Variants in COG7 observed in about 807,000 individuals in gnomAD.
COG7 encodes conserved oligomeric Golgi complex subunit 7.
In COG7, 49 loss-of-function variants were observed where a neutral mutation model predicts 91.5. The observed-to-expected ratio is 0.54, with a 90% CI of 0.43 to 0.68. The LOEUF (loss-of-function observed/expected upper bound fraction) is 0.68. Among genes scored for constraint, COG7 ranks in the 30% least tolerant of loss-of-function variants. The pLI, the probability that COG7 is intolerant of heterozygous loss-of-function variation, is 0.00. For missense variants in COG7, 895 were observed against 961.3 expected (o/e 0.93, Z 0.91); for synonymous variants, 365 against 388.7 (o/e 0.94, Z 0.72).
At chr16:23,392,755 C>T (rs903146224) in intron 15 of COG7, among the ~76,000 whole-genome samples, 1 of 151,848 alleles carries the variant, frequency 6.6e-6, no homozygotes, top group Non-Finnish European at 1.5e-5. Flanking sequence ...CATGGTGAAA[C>T]CCCCGTCTCT....
chr16:23,447,793 G>A (rs1174467323), intron 1 of COG7, among the ~76,000 whole-genome samples: 5 of 151,804 alleles, frequency 3.3e-5, no homozygotes, highest in Non-Finnish European at 7.4e-5. Context: ...CCAGCTACTC[G>A]GGAGGCTGAG....
intron 4 of COG7, 139 bp from the exon 5 acceptor site, chr16:23,434,857 G>A (rs1963990340): frequency 1.5e-6 from 1 of 682,378 alleles, no homozygotes; most frequent in Non-Finnish European, 2.7e-6. Flanking sequence ...ACTCATGCAT[G>A]AGGATCATAA....
intron 4 of COG7, among the ~76,000 whole-genome samples, chr16:23,435,563 T>C (rs561811173): frequency 6.6e-6 from 1 of 152,080 alleles, no homozygotes; most frequent in African/African-American, 2.4e-5. Flanking sequence ...GACAGGAAGG[T>C]GGGTTTCAGT....
chr16:23,392,017 G>T lies in COG7; in HGVS notation c.2146+363C>A, dbSNP rs1416235499. 3 of 1,198,068 alleles carry T rather than the reference G, an allele frequency of 2.5e-6. No individual in the cohort carries two copies. In the African/African-American group the frequency reaches 4.7e-5, roughly 19 times the overall value. 74.2% of individuals were successfully genotyped at this position (1,198,068 alleles called of 1,614,324 possible). A position where few individuals can be genotyped will look rare whatever the true frequency, so the allele number is the denominator to read the frequency against. On this transcript the variant is annotated intron_variant, in intron 16 of 16. Transcript: ENST00000307149. ...GATGGGTGCGAGTGCTTGGTCCAGC[G>T]CCAGGCATGCCTGGTATGCAGTAAG...
At position 23,452,954 on chromosome 16, in the gene COG7, T is replaced by A; in HGVS notation, c.41A>T (p.Lys14Met). ...SKFLADDFDV[K>M]EWINAAFRAG... ...CCTGAAGGCCGCATTGATCCACTCC[T>A]TCACGTCGAAGTCGTCTGCCAGGAA... The change falls in exon 1 of 17, where the codon AAG becomes ATG. Residue 14 changes from lysine to methionine, a missense_variant. Coordinates refer to ENST00000307149, the MANE Select transcript of COG7 (RefSeq NM_153603.4). 6.2e-7 allele frequency: 1 copy of A among 1,614,070 alleles called. No individual in the cohort carries two copies. The highest frequency in any genetic ancestry group is 8.5e-7 in the Non-Finnish European group (1 of 1,179,936).
intron 16 of COG7, chr16:23,390,178 T>G (rs891740290): frequency 1.3e-5 from 2 of 150,592 alleles, no homozygotes; most frequent in Non-Finnish European, 2.9e-5. Flanking sequence ...CCACCCGATA[T>G]GCCCCTGGCT....
At chr16:23,410,583 T>C (rs1963546398) in intron 10 of COG7, among the ~76,000 whole-genome samples, 2 of 152,200 alleles carry the variant, frequency 1.3e-5, no homozygotes, top group Admixed American at 6.6e-5. Context: ...GTCACTGGCA[T>C]CTCTGCTACG....
intron 6 of COG7, among the ~76,000 whole-genome samples, chr16:23,430,070 A>G (rs1215539538): frequency 6.6e-6 from 1 of 152,148 alleles, no homozygotes; most frequent in Non-Finnish European, 1.5e-5. Context: ...TGGATCCTGA[A>G]AGGGGATTAG....
At chr16:23,389,840 G>A (rs149105507) in intron 16 of COG7, 53 of 152,302 alleles carry the variant, frequency 3.5e-4, no homozygotes, top group African/African-American at 1.2e-3. Context: ...TCTACAAAGC[G>A]ACCCCGGTGG....
At chr16:23,434,527 G>A (rs1462487356) in intron 5 of COG7, 109 bp downstream of exon 5, 2 of 844,220 alleles carry the variant, frequency 2.4e-6, no homozygotes, top group Non-Finnish European at 4.0e-6. Flanking sequence ...ACAGCCAGAG[G>A]GCAAGGAGAC....
chr16:23,404,718 G>A (rs1963431748), intron 12 of COG7, among the ~76,000 whole-genome samples: 1 of 152,214 alleles, frequency 6.6e-6, no homozygotes, highest in Non-Finnish European at 1.5e-5. Context: ...TCAGGAGTTC[G>A]AGGCCAGCCT....
chr16:23,434,567 T>C lies in COG7; in HGVS notation c.687+69A>G, dbSNP rs184145620. ...GTTCTTACCTTCTGAATTATGAACC[T>C]GCGATTCTGTGACCCAGAGTTATGA... On this transcript the variant is annotated intron_variant, in intron 5 of 16. Transcript: ENST00000307149. The C allele has an allele frequency of 1.4e-5, 16 of 1,172,020 alleles. No individual in the cohort carries two copies. In the African/African-American group the frequency reaches 2.0e-4, roughly 14 times the overall value. 72.6% of individuals were successfully genotyped at this position (1,172,020 alleles called of 1,614,324 possible). A position where few individuals can be genotyped will look rare whatever the true frequency, so the allele number is the denominator to read the frequency against.
rs1044014011 is a variant in COG7, at chr16:23,389,176, A to C, written c.2147-90T>G. ...ACAGGGCCTCCCCTGAATACGACAC[A>C]GAGAAGCTGCCCTGCCAAGTCCCTA... On this transcript the variant is annotated intron_variant, in intron 16 of 16. Coordinates refer to ENST00000307149, the MANE Select transcript of COG7 (RefSeq NM_153603.4). 2.7e-6 allele frequency: 4 copies of C among 1,455,716 alleles called. No individual in the cohort carries two copies. The East Asian group carries it at 9.6e-5, about 35-fold the overall frequency. 90.2% of individuals were successfully genotyped at this position (1,455,716 alleles called of 1,614,324 possible).
chr16:23,419,657 G>A (rs578150385), intron 7 of COG7, among the ~76,000 whole-genome samples: 114 of 147,736 alleles, frequency 7.7e-4, no homozygotes, highest in African/African-American at 2.6e-3. Flanking sequence ...GCTGAGGCAG[G>A]AGAATTGCTT....
chr16:23,422,317 A>T (rs1963771134), intron 7 of COG7, among the ~76,000 whole-genome samples: 1 of 152,020 alleles, frequency 6.6e-6, no homozygotes, highest in African/African-American at 2.4e-5. Flanking sequence ...TGTCTCAAAA[A>T]AACAAAAAAA....
At chr16:23,409,088 T>TGTGTGTGCGCGCGCGC (rs567307217) in intron 11 of COG7, among the ~76,000 whole-genome samples, 3 of 147,806 alleles carry the variant, frequency 2.0e-5, no homozygotes, top group African/African-American at 7.6e-5. Context: ...TGTGTGTGTG[T>TGTGTGTGCGCGCGCGC]GCGTGCATGT....
intron 14 of COG7, chr16:23,393,667 A>G (rs991292611): frequency 1.6e-5 from 6 of 371,042 alleles, no homozygotes; most frequent in Admixed American, 8.2e-5. Context: ...TTGTGTAAAT[A>G]TAAGTATTAT....
At chr16:23,417,969 A>C (rs1326706948) in intron 8 of COG7, among the ~76,000 whole-genome samples, 1 of 152,150 alleles carries the variant, frequency 6.6e-6, no homozygotes, top group Non-Finnish European at 1.5e-5. Context: ...CAACCTTATG[A>C]CTTGAAAACA....
intron 6 of COG7, among the ~76,000 whole-genome samples, chr16:23,428,664 C>T (rs1963886262): frequency 6.6e-6 from 1 of 151,606 alleles, no homozygotes; most frequent in Non-Finnish European, 1.5e-5. Flanking sequence ...AAAGTACAAC[C>T]ACTTTGAGCA....
Sources: allele counts gnomAD v4.1 joint callset (sites outside exome capture counted in the v4.1 genomes callset), GRCh38; gene constraint gnomAD v4.1.1; transcripts MANE v1.5; gene names NCBI Gene and HGNC (gene_info 2026-07-23, HGNC 2026-07-21).